Variants in EFR3B observed in about 807,000 individuals in gnomAD.
The protein encoded by EFR3B is protein EFR3 homolog B.
Under a neutral mutation model 104.7 loss-of-function variants are expected in EFR3B, and 64 were observed. That is an observed-to-expected ratio of 0.61 (90% CI 0.50 to 0.75). The LOEUF (loss-of-function observed/expected upper bound fraction) is 0.75, where lower values mean the gene tolerates loss of function less well. EFR3B is among the 30% of genes least tolerant of loss of function. EFR3B has a pLI of 0.00. For missense variants in EFR3B, 750 were observed against 1,078.5 expected, an observed-to-expected ratio of 0.70 and a Z score of 4.27; for synonymous variants, 385 against 417.9, an observed-to-expected ratio of 0.92 and a Z score of 0.96.
chr2:25,105,387 G>A (rs1274118890), intron 4 of EFR3B, among the ~76,000 whole-genome samples: 1 of 152,220 alleles, frequency 6.6e-6, no homozygotes, highest in African/African-American at 2.4e-5. Context: ...CTGGGCTCAA[G>A]TGATTCACCC....
intron 4 of EFR3B, among the ~76,000 whole-genome samples, chr2:25,113,548 G>C (rs1377412982): frequency 6.6e-6 from 1 of 151,890 alleles, no homozygotes; most frequent in Non-Finnish European, 1.5e-5. Flanking sequence ...GGCGCCTGTA[G>C]TGCCAGCTAC....
intron 4 of EFR3B, among the ~76,000 whole-genome samples, chr2:25,117,482 G>A (rs886266851): frequency 1.4e-5 from 2 of 147,956 alleles, no homozygotes; most frequent in Admixed American, 6.9e-5. Flanking sequence ...GTGCAATCTC[G>A]GCTCACTGCA....
intron 1 of EFR3B, among the ~76,000 whole-genome samples, chr2:25,088,778 A>C (rs1558597171): frequency 6.6e-6 from 1 of 152,200 alleles, no homozygotes; most frequent in Non-Finnish European, 1.5e-5. Flanking sequence ...ATTTGACCTG[A>C]GAGCCCATGC....
intron 4 of EFR3B, among the ~76,000 whole-genome samples, chr2:25,119,252 G>T (rs1669950067): frequency 6.6e-6 from 1 of 152,178 alleles, no homozygotes; most frequent in Non-Finnish European, 1.5e-5. Context: ...GAAGTTAAAT[G>T]TCTCATTCAA....
At chr2:25,086,047 T>C (rs1386517640) in intron 1 of EFR3B, among the ~76,000 whole-genome samples, 3 of 152,140 alleles carry the variant, frequency 2.0e-5, no homozygotes, top group African/African-American at 7.2e-5. Context: ...GATTGGCTTC[T>C]TTCCCTTAGT....
intron 5 of EFR3B, among the ~76,000 whole-genome samples, chr2:25,125,042 A>G (rs1023909561): frequency 6.6e-6 from 1 of 152,166 alleles, no homozygotes; most frequent in Non-Finnish European, 1.5e-5. Context: ...TGGGCAACGG[A>G]GTGAGACTCC....
intron 1 of EFR3B, among the ~76,000 whole-genome samples, chr2:25,056,018 A>G (rs1297028381): frequency 6.6e-6 from 1 of 152,252 alleles, no homozygotes; most frequent in Admixed American, 6.5e-5. Context: ...GCATCTGACT[A>G]TAAAATAATG....
intron 4 of EFR3B, among the ~76,000 whole-genome samples, chr2:25,117,189 C>A (rs910393551): frequency 6.6e-6 from 1 of 152,082 alleles, no homozygotes; most frequent in Non-Finnish European, 1.5e-5. Flanking sequence ...CGGGACTGCC[C>A]GTCAGCCCCT....
Position 25,154,621 on chromosome 2 carries a change from C to A in EFR3B, c.*281C>A. On this transcript the variant is annotated 3_prime_UTR_variant, in exon 23 of 23. Transcript: ENST00000403714. This position sits in a 1 kb window ranked among gnomAD's most constrained non-coding sequence, Gnocchi z 4.1. ...GGGCAGAGAATCATGGGGTGTCTCT[C>A]AGGAGAAGCCGGGGGGAGGGGGCTG... The A allele has an allele frequency of 2.6e-6, 1 of 379,910 alleles. No individual in the cohort carries two copies. Among genetic ancestry groups the A allele is most frequent in the South Asian group, 5.7e-5 (1 of 17,572 alleles). 23.5% of individuals were successfully genotyped at this position (379,910 alleles called of 1,614,324 possible). A position where few individuals can be genotyped will look rare whatever the true frequency, so the allele number is the denominator to read the frequency against.
chr2:25,053,134 A>G (rs949026555), intron 1 of EFR3B, among the ~76,000 whole-genome samples: 12 of 152,194 alleles, frequency 7.9e-5, no homozygotes, highest in Non-Finnish European at 1.3e-4. Flanking sequence ...TGTGTTATTA[A>G]TAATTTGGGA....
At chr2:25,125,040 G>A (rs1272630987) in intron 5 of EFR3B, among the ~76,000 whole-genome samples, 1 of 152,108 alleles carries the variant, frequency 6.6e-6, no homozygotes, top group African/African-American at 2.4e-5. Context: ...CCTGGGCAAC[G>A]GAGTGAGACT....
intron 4 of EFR3B, among the ~76,000 whole-genome samples, chr2:25,106,897 G>A (rs991131857): frequency 6.6e-6 from 1 of 152,174 alleles, no homozygotes; most frequent in South Asian, 2.1e-4. Context: ...TCCATTGTTT[G>A]TATGGAAGTT....
At chr2:25,111,404 C>A (rs538040406) in intron 4 of EFR3B, among the ~76,000 whole-genome samples, 1 of 151,228 alleles carries the variant, frequency 6.6e-6, no homozygotes, top group Admixed American at 6.7e-5. Context: ...CCTGGGATCA[C>A]GCCCATTTCT....
At chr2:25,117,688 A>G (rs1352594991) in intron 4 of EFR3B, among the ~76,000 whole-genome samples, 1 of 152,108 alleles carries the variant, frequency 6.6e-6, no homozygotes, top group Non-Finnish European at 1.5e-5. Context: ...CTGGGATTAC[A>G]GGCATGAGCC....
chr2:25,093,878 T>G (rs1258826712), intron 3 of EFR3B, among the ~76,000 whole-genome samples: 1 of 152,202 alleles, frequency 6.6e-6, no homozygotes, highest in African/African-American at 2.4e-5. Flanking sequence ...GTGAAATATT[T>G]ATCAATCTTC....
intron 1 of EFR3B, among the ~76,000 whole-genome samples, chr2:25,047,608 C>T (rs180711666): frequency 6.6e-6 from 1 of 152,262 alleles, no homozygotes; most frequent in Non-Finnish European, 1.5e-5. Context: ...AAGCAGTTCT[C>T]ATGTCTCAGC....
chr2:25,072,150 C>G (rs1668517429), intron 1 of EFR3B, among the ~76,000 whole-genome samples: 2 of 152,242 alleles, frequency 1.3e-5, no homozygotes, highest in Admixed American at 1.3e-4. Flanking sequence ...TCACCAGTTC[C>G]AGGCTCTCAG....
At chr2:25,139,792 G>T (rs1451572492) in intron 16 of EFR3B, among the ~76,000 whole-genome samples, 1 of 152,100 alleles carries the variant, frequency 6.6e-6, no homozygotes, top group Non-Finnish European at 1.5e-5. Context: ...CAGCTATCCT[G>T]TCCTTTCACT....
chr2:25,042,321 T>A lies in EFR3B; in HGVS notation c.7+2T>A, dbSNP rs2149159899. On this transcript the variant is annotated splice_donor_variant, in intron 1 of 22. Transcript: ENST00000403714. LOFTEE classifies it high-confidence loss of function. This position sits in a 1 kb window ranked among gnomAD's most constrained non-coding sequence, Gnocchi z 5.4. ...GCGCGCGCCCCGCCGAGATGTACGGTAAGGAGGGCTCCGCGCCCGGGCCCG... is the reference window on the plus strand; with the variant it reads ...GCGCGCGCCCCGCCGAGATGTACGGAAAGGAGGGCTCCGCGCCCGGGCCCG... 7.9e-7 allele frequency: 1 copy of A among 1,269,122 alleles called. No individual in the cohort carries two copies. The highest frequency in any genetic ancestry group is 9.9e-7 in the Non-Finnish European group (1 of 1,006,792). The allele number at this position is 1,269,122 out of a possible 1,614,324, so 78.6% of individuals were successfully genotyped here.
Sources: allele counts gnomAD v4.1 joint callset (sites outside exome capture counted in the v4.1 genomes callset), GRCh38; gene constraint gnomAD v4.1.1; non-coding constraint Gnocchi (gnomAD v3.1); transcripts MANE v1.5; gene names NCBI Gene and HGNC (gene_info 2026-07-23, HGNC 2026-07-21).